LINGO3: variants seen among roughly 807,000 people sequenced by gnomAD.
The protein encoded by LINGO3 is leucine-rich repeat and immunoglobulin-like domain-containing nogo receptor-interacting protein 3.
For synonymous variants in LINGO3, 427 were observed against 444.2 expected, an observed-to-expected ratio of 0.96 and a Z score of 0.49; for missense variants, 750 against 867.7, an observed-to-expected ratio of 0.86 and a Z score of 1.70.
At chr19:2,298,563 T>C in the LINGO3 span, among the ~76,000 whole-genome samples, 46 of 118,518 alleles carry the variant, frequency 3.9e-4, no homozygotes, top group African/African-American at 1.4e-3. Flanking sequence ...TTTTTTGACA[T>C]AGAGTCTTGC....
chr19:2,288,366 C>T (rs1469575211), downstream of LINGO3, among the ~76,000 whole-genome samples: 1 of 152,234 alleles, frequency 6.6e-6, no homozygotes, highest in Non-Finnish European at 1.5e-5. The surrounding 1 kb of genome is among the most constrained non-coding windows in gnomAD (Gnocchi z 6.5). Flanking sequence ...ACCCCCTGTG[C>T]TCTTTGGTCT....
chr19:2,304,160 C>T, the LINGO3 span, among the ~76,000 whole-genome samples: 5 of 152,368 alleles, frequency 3.3e-5, no homozygotes, highest in East Asian at 9.6e-4. Context: ...AGCATTCATT[C>T]ATTCATTCAA....
chr19:2,296,146 C>A (rs1433131174), upstream of LINGO3, among the ~76,000 whole-genome samples: 1 of 152,210 alleles, frequency 6.6e-6, no homozygotes, highest in African/African-American at 2.4e-5. Context: ...GCTGCCCTGC[C>A]GACAGCACAC....
chr19:2,294,442 A>C (rs1294516440), upstream of LINGO3, among the ~76,000 whole-genome samples: 1 of 151,596 alleles, frequency 6.6e-6, no homozygotes, highest in African/African-American at 2.4e-5. This position sits in a 1 kb window ranked among gnomAD's most constrained non-coding sequence, Gnocchi z 4.3. Flanking sequence ...GTTGTTTTAA[A>C]CCCCCCGGGG....
exon 1 of LINGO3, chr19:2,291,191 G>C: frequency 6.2e-7 from 1 of 1,609,006 alleles, no homozygotes; most frequent in Non-Finnish European, 8.5e-7. Context: ...CTGCGCAGAT[G>C]GCCCAGCGAC....
upstream of LINGO3, among the ~76,000 whole-genome samples, chr19:2,294,682 A>C (rs969897485): frequency 6.6e-6 from 1 of 151,940 alleles, no homozygotes; most frequent in African/African-American, 2.4e-5. The surrounding 1 kb of genome is among the most constrained non-coding windows in gnomAD (Gnocchi z 4.3). Flanking sequence ...GCCCAGAGGA[A>C]CAGGCGCCAA....
At chr19:2,294,501 C>T (rs1666249837), upstream of LINGO3, among the ~76,000 whole-genome samples, 1 of 152,170 alleles carries the variant, frequency 6.6e-6, no homozygotes, top group South Asian at 2.1e-4. This position sits in a 1 kb window ranked among gnomAD's most constrained non-coding sequence, Gnocchi z 4.3. Flanking sequence ...AAAAGTTGAA[C>T]AGAGCCCATG....
At chr19:2,296,914 C>T (rs192053222), upstream of LINGO3, among the ~76,000 whole-genome samples, 50 of 151,746 alleles carry the variant, frequency 3.3e-4, 1 homozygote, top group Middle Eastern at 0.027. Flanking sequence ...TGGTGAAACC[C>T]CGTCTCTACT....
chr19:2,290,493 G>A lies in LINGO3; in HGVS notation c.1284C>T (p.Leu428=), dbSNP rs1411451281. 6.7e-7 allele frequency: 1 copy of A among 1,491,918 alleles called. No individual in the cohort carries two copies. The highest frequency in any genetic ancestry group is 2.7e-5 in the East Asian group (1 of 37,372). 92.4% of individuals were successfully genotyped at this position (1,491,918 alleles called of 1,614,324 possible). Residue 428 remains leucine, a synonymous_variant, in exon 1 of 1, where the codon CTC becomes CTT. Transcript: ENST00000585527. This position sits in a 1 kb window ranked among gnomAD's most constrained non-coding sequence, Gnocchi z 6.0. ...GCGCCGGCTCGCCCTCGGCGCGGCAGAGGAAGCGGACGTCTTCGCCCGCGG... is the reference window on the plus strand; with the variant it reads ...GCGCCGGCTCGCCCTCGGCGCGGCAAAGGAAGCGGACGTCTTCGCCCGCGG...
At chr19:2,297,162 T>C in the LINGO3 span, among the ~76,000 whole-genome samples, 3 of 151,970 alleles carry the variant, frequency 2.0e-5, no homozygotes, top group African/African-American at 7.2e-5. Context: ...CATCCATCTG[T>C]TGGCCTGCAA....
At chr19:2,292,019 C>T (rs896401106) in exon 1 of LINGO3, 11 of 506,134 alleles carry the variant, frequency 2.2e-5, no homozygotes, top group Non-Finnish European at 4.1e-5. Context: ...AGACTCCCAT[C>T]TCTACAAAAA....
chr19:2,306,176 C>T, the LINGO3 span, among the ~76,000 whole-genome samples: 73 of 152,324 alleles, frequency 4.8e-4, no homozygotes, highest in East Asian at 4.2e-3. Flanking sequence ...TAATAAAGTT[C>T]GTTTTGGAGA....
the LINGO3 span, among the ~76,000 whole-genome samples, chr19:2,305,302 A>G: frequency 6.6e-6 from 1 of 152,014 alleles, no homozygotes; most frequent in Middle Eastern, 3.4e-3. Context: ...CCACAGCAGG[A>G]CCTGGGCAAT....
At chr19:2,295,542 C>G (rs866889719), upstream of LINGO3, among the ~76,000 whole-genome samples, 2 of 152,062 alleles carry the variant, frequency 1.3e-5, no homozygotes, top group Non-Finnish European at 2.9e-5. Flanking sequence ...CGAGAGCAGC[C>G]TAAGCAACAT....
rs766492615 is a variant in LINGO3, at chr19:2,291,218, T to C, written c.559A>G (p.Thr187Ala). ...CCCAGCGACTCCCCGGACAGAGCCGTGAGGTTGCAGCGCTCCAGGGTCAGC... is the reference window on the plus strand; with the variant it reads ...CCCAGCGACTCCCCGGACAGAGCCGCGAGGTTGCAGCGCTCCAGGGTCAGC... Residue 187 changes from threonine (T) to alanine (A), a missense_variant, in exon 1 of 1, where the codon ACG becomes GCG. Thr to Ala is a moderately conservative substitution (Grantham distance 58). Coordinates refer to ENST00000585527, the Ensembl canonical transcript of LINGO3. The C allele has an allele frequency of 1.6e-5, 26 of 1,610,942 alleles. No homozygotes were observed. The highest frequency in any genetic ancestry group is 2.2e-5 in the Non-Finnish European group (26 of 1,179,062).
chr19:2,288,005 C>A (rs533776642), downstream of LINGO3, among the ~76,000 whole-genome samples: 4 of 152,332 alleles, frequency 2.6e-5, no homozygotes, highest in Admixed American at 6.5e-5. This position sits in a 1 kb window ranked among gnomAD's most constrained non-coding sequence, Gnocchi z 6.5. Context: ...GGGGCAAGAA[C>A]TGGCTGTGAG....
At chr19:2,296,955 G>A (rs1020924466), upstream of LINGO3, among the ~76,000 whole-genome samples, 4 of 151,644 alleles carry the variant, frequency 2.6e-5, no homozygotes, top group Admixed American at 6.6e-5. Flanking sequence ...AGCCGGGCGT[G>A]GTGGCGGGCG....
chr19:2,301,927 C>CAA, the LINGO3 span, among the ~76,000 whole-genome samples: 1,800 of 35,124 alleles, frequency 0.051, 122 homozygotes, highest in African/African-American at 0.16. Context: ...GACTCCATCT[C>CAA]AAAAAAAAAA....
the LINGO3 span, among the ~76,000 whole-genome samples, chr19:2,307,935 G>C: frequency 1.3e-5 from 2 of 152,236 alleles, no homozygotes; most frequent in African/African-American, 4.8e-5. Context: ...ATGAGCCCGG[G>C]AGGGGTGCGC....
Sources: gnomAD v4.1 joint callset for allele counts (sites outside exome capture counted in the v4.1 genomes callset) on GRCh38, gnomAD v4.1.1 for gene constraint, Gnocchi (gnomAD v3.1) non-coding constraint, MANE v1.5 for transcripts, NCBI Gene and HGNC (gene_info 2026-07-23, HGNC 2026-07-21) for gene names.